The following KLHDC10 variants were observed in gnomAD, a reference collection of about 807,000 sequenced individuals.
The protein encoded by KLHDC10 is kelch domain-containing protein 10.
Under a neutral mutation model 56.1 loss-of-function variants are expected in KLHDC10, and 24 were observed. The ratio of observed to expected loss-of-function variants is 0.43; its 90% confidence interval spans 0.31 to 0.60. KLHDC10 has a LOEUF of 0.60. Ranked by LOEUF, KLHDC10 falls within the 20% of genes least tolerant of loss-of-function variation. The pLI is 0.11. For missense variants in KLHDC10, 349 were observed against 567.0 expected, an observed-to-expected ratio of 0.62 and a Z score of 3.91; for synonymous variants, 188 against 207.1, an observed-to-expected ratio of 0.91 and a Z score of 0.79.
chr7:130,111,894 C>G (rs1796106683), intron 2 of KLHDC10, among the ~76,000 whole-genome samples: 1 of 152,080 alleles, frequency 6.6e-6, no homozygotes, highest in Non-Finnish European at 1.5e-5. Flanking sequence ...AATTTATACC[C>G]ATCAGATTGG....
intron 1 of KLHDC10, 43 bp downstream of exon 1, chr7:130,070,852 G>A: frequency 7.8e-7 from 1 of 1,276,546 alleles, no homozygotes. Context: ...GGGCGGGAAG[G>A]TGACTGCTAC....
intron 3 of KLHDC10, among the ~76,000 whole-genome samples, chr7:130,118,999 G>T (rs1584637110): frequency 6.6e-6 from 1 of 151,610 alleles, no homozygotes; most frequent in African/African-American, 2.4e-5. Context: ...ATCACTTGAG[G>T]TCAGGAGTTC....
intron 8 of KLHDC10, 120 bp downstream of exon 8, chr7:130,127,571 G>C: frequency 1.4e-6 from 1 of 699,464 alleles, no homozygotes; most frequent in South Asian, 1.8e-5. Flanking sequence ...TCTATTTCTT[G>C]TAAACTTAAA....
rs150220463 is a variant in KLHDC10, at chr7:130,134,418, A to G, written c.*3672A>G. 19 of 152,360 alleles carry G rather than the reference A, an allele frequency of 1.2e-4. No homozygotes were observed. In the East Asian group the frequency reaches 3.3e-3, roughly 26 times the overall value. 9.4% of individuals were successfully genotyped at this position (152,360 alleles called of 1,614,324 possible). A position where few individuals can be genotyped will look rare whatever the true frequency, so the allele number is the denominator to read the frequency against. On this transcript the variant is annotated 3_prime_UTR_variant, in exon 10 of 10. Transcript: ENST00000335420. ...TCCAGGCCATCTCTCTAACCACCAA[A>G]GAACTCTTAGTACCTACGGGAAGGA...
At chr7:130,086,057 T>C (rs1303799764) in intron 1 of KLHDC10, among the ~76,000 whole-genome samples, 1 of 152,106 alleles carries the variant, frequency 6.6e-6, no homozygotes, top group Non-Finnish European at 1.5e-5. Context: ...CAGCCTAATT[T>C]TTATTAGCCT....
At chr7:130,089,725 A>G (rs954428358) in intron 1 of KLHDC10, among the ~76,000 whole-genome samples, 10 of 152,170 alleles carry the variant, frequency 6.6e-5, no homozygotes, top group African/African-American at 1.4e-4. Context: ...GCAGTAAGCA[A>G]TCTGTACAAC....
At chr7:130,076,982 T>C (rs899235103) in intron 1 of KLHDC10, among the ~76,000 whole-genome samples, 4 of 152,284 alleles carry the variant, frequency 2.6e-5, no homozygotes, top group Admixed American at 2.6e-4. Context: ...TTGTATTATA[T>C]TTATAGATTA....
At chr7:130,111,959 T>G (rs957118452) in intron 2 of KLHDC10, among the ~76,000 whole-genome samples, 2 of 152,202 alleles carry the variant, frequency 1.3e-5, no homozygotes, top group Non-Finnish European at 2.9e-5. Flanking sequence ...GGCATAACAT[T>G]GCTGGGAGTA....
At chr7:130,111,470 GGGGCAGGA>G (rs1351772250) in intron 2 of KLHDC10, among the ~76,000 whole-genome samples, 5 of 152,120 alleles carry the variant, frequency 3.3e-5, no homozygotes, top group Admixed American at 6.6e-5. Flanking sequence ...TTGGATGGCT[GGGGCAGGA>G]GGATCATTTG....
At chr7:130,112,263 A>T (rs1293118797) in intron 2 of KLHDC10, among the ~76,000 whole-genome samples, 1 of 152,086 alleles carries the variant, frequency 6.6e-6, no homozygotes, top group Non-Finnish European at 1.5e-5. Context: ...ACTGAAACCC[A>T]TTTCCCTGGT....
chr7:130,087,399 C>T (rs1795706139), intron 1 of KLHDC10, among the ~76,000 whole-genome samples: 1 of 152,016 alleles, frequency 6.6e-6, no homozygotes, highest in African/African-American at 2.4e-5. Flanking sequence ...CAATCTCATG[C>T]TCTTCCCTTT....
chr7:130,074,995 A>G (rs1253470544), intron 1 of KLHDC10, among the ~76,000 whole-genome samples: 3 of 152,106 alleles, frequency 2.0e-5, no homozygotes, highest in African/African-American at 7.2e-5. Flanking sequence ...ACCTTTTTTT[A>G]AGCACTTGCC....
intron 2 of KLHDC10, among the ~76,000 whole-genome samples, chr7:130,114,828 AG>A (rs1197428282): frequency 3.9e-5 from 6 of 151,954 alleles, no homozygotes; most frequent in Non-Finnish European, 8.8e-5. Context: ...ATGGGTAGGT[AG>A]GTAGACTAGG....
At chr7:130,117,886 C>T (rs886464005) in intron 3 of KLHDC10, among the ~76,000 whole-genome samples, 63 of 145,734 alleles carry the variant, frequency 4.3e-4, no homozygotes, top group African/African-American at 1.5e-3. Context: ...AAAAAGAGGC[C>T]GGGCATGGTG....
intron 2 of KLHDC10, among the ~76,000 whole-genome samples, chr7:130,112,838 A>G (rs1462047279): frequency 1.3e-5 from 2 of 152,328 alleles, no homozygotes; most frequent in African/African-American, 2.4e-5. Flanking sequence ...TTTATCAAAT[A>G]TTGATTAGAT....
intron 1 of KLHDC10, among the ~76,000 whole-genome samples, chr7:130,087,009 G>T (rs7779588): frequency 0.2 from 30,327 of 152,154 alleles, 3,630 homozygotes; most frequent in Non-Finnish European, 0.27. Flanking sequence ...TAAGGGAACA[G>T]ATACTATTGC....
At position 130,107,843 on chromosome 7, in the gene KLHDC10, C is replaced by CAAAAAAA. The variant is rs3043725; in HGVS notation, c.254-8584_254-8578dup. On this transcript the variant is annotated intron_variant, in intron 2 of 9. Transcript: ENST00000335420. The stretch of plus-strand genomic sequence containing the variant: ...TGGGCGACAGAGTGGGACTCCGTCT[C>CAAAAAAA]AAAAAAAAAAAAAAAAAAAAAAAAG... Among the ~76,000 whole-genome samples the CAAAAAAA allele has an allele frequency of 7.3e-4, 19 of 26,030 alleles. 2 individuals are homozygous for CAAAAAAA. The highest frequency in any genetic ancestry group is 3.0e-3 in the African/African-American group (13 of 4,290). The allele number at this position is 26,030 out of a possible 152,430, so 17.1% of individuals were successfully genotyped here. A position where few individuals can be genotyped will look rare whatever the true frequency, so the allele number is the denominator to read the frequency against.
intron 1 of KLHDC10, 99 bp downstream of exon 1, chr7:130,070,908 G>C: frequency 2.3e-6 from 2 of 875,182 alleles, no homozygotes; most frequent in Non-Finnish European, 3.1e-6. Flanking sequence ...AGGAGGAAAG[G>C]CAGGCCCCAC....
rs1796444530 is a variant in KLHDC10, at chr7:130,134,682, A to G, written c.*3936A>G. 3 of 152,120 alleles carry G rather than the reference A, an allele frequency of 2.0e-5. No individual in the cohort carries two copies. Among genetic ancestry groups the G allele is most frequent in the South Asian group, 4.1e-4 (2 of 4,828 alleles). 9.4% of individuals were successfully genotyped at this position (152,120 alleles called of 1,614,324 possible). A position where few individuals can be genotyped will look rare whatever the true frequency, so the allele number is the denominator to read the frequency against. ...GTTTAGAAAGTGGCACAGGTTACTG[A>G]ATTGTCTACCTGCCAGCATTCTGAT... On this transcript the variant is annotated 3_prime_UTR_variant, in exon 10 of 10. Coordinates refer to ENST00000335420, the MANE Select transcript of KLHDC10 (RefSeq NM_014997.4).
Sources: gnomAD v4.1 joint callset for allele counts (sites outside exome capture counted in the v4.1 genomes callset) on GRCh38, gnomAD v4.1.1 for gene constraint, MANE v1.5 for transcripts, NCBI Gene and HGNC (gene_info 2026-07-23, HGNC 2026-07-21) for gene names.